Variants in RBMS3 observed in about 807,000 individuals in gnomAD.
The protein encoded by RBMS3 is RNA-binding motif, single-stranded-interacting protein 3.
Under a neutral mutation model 66.8 loss-of-function variants are expected in RBMS3, and 27 were observed. The ratio of observed to expected loss-of-function variants is 0.40; its 90% CI spans 0.30 to 0.56. The LOEUF (loss-of-function observed/expected upper bound fraction) is 0.56. Ranked by LOEUF, RBMS3 falls within the 20% of genes least tolerant of loss-of-function variation. The pLI is 0.40. For missense variants in RBMS3, 513 were observed against 549.5 expected (o/e 0.93, Z 0.66); for synonymous variants, 188 against 183.0 (o/e 1.03, Z -0.22).
intron 3 of RBMS3, among the ~76,000 whole-genome samples, chr3:29,512,190 A>C (rs1576067795): frequency 6.6e-6 from 1 of 152,152 alleles, no homozygotes; most frequent in East Asian, 1.9e-4. Flanking sequence ...ATTTTTCATC[A>C]GTTAGTCAGG....
intron 2 of RBMS3, among the ~76,000 whole-genome samples, chr3:29,472,151 C>T (rs2125800270): frequency 6.6e-6 from 1 of 151,478 alleles, no homozygotes; most frequent in East Asian, 1.9e-4. Context: ...AATCATGAAA[C>T]AGAACATGCC....
At chr3:29,699,093 A>G (rs1458748958) in intron 4 of RBMS3, among the ~76,000 whole-genome samples, 2 of 152,206 alleles carry the variant, frequency 1.3e-5, no homozygotes, top group East Asian at 1.9e-4. Context: ...GAAGAGGCTT[A>G]AACATACACA....
chr3:29,735,795 A>T (rs754020117), intron 4 of RBMS3, among the ~76,000 whole-genome samples: 1 of 152,204 alleles, frequency 6.6e-6, no homozygotes, highest in East Asian at 1.9e-4. Context: ...TCAGATTATC[A>T]TCTATTTCTA....
At chr3:29,650,853 A>G (rs1281174429) in intron 4 of RBMS3, among the ~76,000 whole-genome samples, 1 of 152,194 alleles carries the variant, frequency 6.6e-6, no homozygotes, top group Non-Finnish European at 1.5e-5. Flanking sequence ...ATTTGTATGG[A>G]AAATCTAAGG....
At chr3:29,482,733 A>C (rs1299596997) in intron 2 of RBMS3, among the ~76,000 whole-genome samples, 3 of 84,432 alleles carry the variant, frequency 3.6e-5, no homozygotes, top group African/African-American at 9.2e-5. Context: ...TTTGAGACGG[A>C]GTGTCGCTCT....
chr3:29,833,189 G>A (rs2058419030), intron 6 of RBMS3, among the ~76,000 whole-genome samples: 1 of 152,162 alleles, frequency 6.6e-6, no homozygotes, highest in African/African-American at 2.4e-5. Flanking sequence ...ATTGGTGAAG[G>A]ATTAAAACTG....
At chr3:29,971,865 G>A (rs1697249706) in intron 12 of RBMS3, among the ~76,000 whole-genome samples, 1 of 151,974 alleles carries the variant, frequency 6.6e-6, no homozygotes, top group Non-Finnish European at 1.5e-5. Context: ...ACAGGTTTTG[G>A]ATTTGTGTTG....
chr3:29,557,055 A>AGGTTG (rs2046391932), intron 3 of RBMS3, among the ~76,000 whole-genome samples: 1 of 152,168 alleles, frequency 6.6e-6, no homozygotes, highest in Non-Finnish European at 1.5e-5. Context: ...TCTGTCACTC[A>AGGTTG]AAGTAGGTTT....
intron 4 of RBMS3, among the ~76,000 whole-genome samples, chr3:29,665,053 T>C (rs539554158): frequency 5.0e-4 from 76 of 152,322 alleles, no homozygotes; most frequent in African/African-American, 1.7e-3. Flanking sequence ...ATTCTAGCTT[T>C]CTATATAATA....
intron 3 of RBMS3, among the ~76,000 whole-genome samples, chr3:29,560,476 C>T (rs1033577357): frequency 1.3e-5 from 2 of 152,206 alleles, no homozygotes; most frequent in African/African-American, 2.4e-5. Flanking sequence ...CACAAACATA[C>T]ATCACCAAAG....
At chr3:29,511,162 C>A (rs1178932107) in intron 3 of RBMS3, among the ~76,000 whole-genome samples, 2 of 151,960 alleles carry the variant, frequency 1.3e-5, no homozygotes, top group African/African-American at 2.4e-5. Flanking sequence ...TGGGACATGG[C>A]GGCATGCACC....
chr3:29,361,398 A>C (rs185030751), intron 1 of RBMS3, among the ~76,000 whole-genome samples: 1 of 152,256 alleles, frequency 6.6e-6, no homozygotes, highest in Admixed American at 6.5e-5. Flanking sequence ...TGGCTTGTAG[A>C]GTTTCTGCTG....
At chr3:29,889,097 G>A (rs751503983) in intron 8 of RBMS3, among the ~76,000 whole-genome samples, 3 of 151,088 alleles carry the variant, frequency 2.0e-5, no homozygotes, top group African/African-American at 2.4e-5. Context: ...CAGATAGTAC[G>A]AACAGAACTT....
chr3:29,761,933 T>A (rs1186781842), intron 5 of RBMS3, among the ~76,000 whole-genome samples: 1 of 152,176 alleles, frequency 6.6e-6, no homozygotes, highest in Non-Finnish European at 1.5e-5. Flanking sequence ...TTTGGAAGAC[T>A]TAATTTTCTT....
intron 2 of RBMS3, among the ~76,000 whole-genome samples, chr3:29,481,850 A>G (rs2043139676): frequency 6.6e-6 from 1 of 152,224 alleles, no homozygotes; most frequent in African/African-American, 2.4e-5. Context: ...ATGTATAGGT[A>G]ATAAGGGAGG....
intron 1 of RBMS3, among the ~76,000 whole-genome samples, chr3:29,351,390 TTC>T (rs151142831): frequency 0.019 from 2,906 of 152,258 alleles, 95 homozygotes; most frequent in African/African-American, 0.066. Flanking sequence ...CAGTACAGTT[TTC>T]TGTGTTTCCT....
chr3:29,702,481 C>T (rs116120244), intron 4 of RBMS3, among the ~76,000 whole-genome samples: 4,643 of 152,242 alleles, frequency 0.03, 90 homozygotes, highest in Admixed American at 0.065. Flanking sequence ...GGCAACCCGC[C>T]GGGGTCCTCT....
At chr3:29,622,941 C>T (rs887911360) in intron 4 of RBMS3, among the ~76,000 whole-genome samples, 6 of 151,824 alleles carry the variant, frequency 4.0e-5, no homozygotes. Context: ...ACGGTGAAAC[C>T]CCGTCTCTAC....
intron 6 of RBMS3, among the ~76,000 whole-genome samples, chr3:29,835,379 T>C (rs911719019): frequency 6.6e-6 from 1 of 151,992 alleles, no homozygotes; most frequent in Non-Finnish European, 1.5e-5. Flanking sequence ...AGATCATATG[T>C]TAATCCACAA....
Sources: gnomAD v4.1 joint callset for allele counts (sites outside exome capture counted in the v4.1 genomes callset) on GRCh38, gnomAD v4.1.1 for gene constraint, MANE v1.5 for transcripts, NCBI Gene and HGNC (gene_info 2026-07-23, HGNC 2026-07-21) for gene names.